The following MGA variants were observed in gnomAD, a reference collection of about 807,000 sequenced individuals.
The protein encoded by MGA is MAX dimerization protein MGA.
MGA carries 40 observed loss-of-function variants against 261.1 expected under a neutral mutation model. The observed-to-expected ratio is 0.15, with a 90% CI of 0.12 to 0.20. The LOEUF is 0.20. Ranked by LOEUF, MGA falls within the 10% of genes least tolerant of loss-of-function variation. The probability of loss-of-function intolerance (pLI) is 1.00; values close to 1 mark genes in which losing one functional copy is unlikely to be tolerated. For synonymous variants in MGA, 1,302 were observed against 1,290.6 expected (o/e 1.01, Z -0.19); for missense variants, 3,397 against 3,630.5 (o/e 0.94, Z 1.65).
intron 1 of MGA, among the ~76,000 whole-genome samples, chr15:41,630,852 G>C (rs1345668248): frequency 6.6e-6 from 1 of 152,148 alleles, no homozygotes; most frequent in Non-Finnish European, 1.5e-5. Context: ...ACTCACCCCA[G>C]GAATGTCCTT....
rs199585187 is a variant in MGA at position 41,668,993 on chromosome 15, T to C, written c.99T>C (p.Asn33=). 2.8e-4 allele frequency: 453 copies of C among 1,613,604 alleles called. 4 individuals are homozygous for C. The Middle Eastern group carries it at 4.1e-3, about 15-fold the overall frequency. ...TTGTCATCTTAAAGCAGCCAGGAAA[T>C]GGCAAAACTGATCAAGGAATTTTGG... Residue 33 remains asparagine (N), a synonymous_variant, in exon 2 of 24, where the codon AAT becomes AAC. Coordinates refer to ENST00000219905, the MANE Select transcript of MGA (RefSeq NM_001164273.2).
chr15:41,761,691 A>G, intron 20 of MGA, 48 bp from the exon 21 acceptor site: 1 of 1,250,056 alleles, frequency 8.0e-7, no homozygotes, highest in South Asian at 1.4e-5. Flanking sequence ...AGCTGTGTTT[A>G]AAGAAAGAGT....
Position 41,766,815 on chromosome 15 carries a change from G to A in MGA, c.8733G>A (p.Glu2911=), listed in dbSNP as rs745834073. ...ACTTGGAAGACGATGACTTTTCTGAGAATGAAAAACAACTTGCAGAACCAG... is the reference window on the plus strand; with the variant it reads ...ACTTGGAAGACGATGACTTTTCTGAAAATGAAAAACAACTTGCAGAACCAG... The change falls in exon 24 of 24, where the codon GAG becomes GAA. Residue 2911 remains glutamate (E), a synonymous_variant. Coordinates refer to ENST00000219905, the MANE Select transcript of MGA (RefSeq NM_001164273.2). 4.7e-5 allele frequency: 76 copies of A among 1,613,878 alleles called. No homozygotes were observed. Among genetic ancestry groups the A allele is most frequent in the Non-Finnish European group, 6.4e-5 (76 of 1,179,894 alleles).
chr15:41,668,773 C>A, intron 1 of MGA, 55 bp from the exon 2 acceptor site: 2 of 604,108 alleles, frequency 3.3e-6, no homozygotes, highest in South Asian at 3.8e-5. Context: ...GAAATAAATA[C>A]TCACTTGATT....
At chr15:41,703,048 C>T (rs986151496) in intron 5 of MGA, among the ~76,000 whole-genome samples, 1 of 152,102 alleles carries the variant, frequency 6.6e-6, no homozygotes, top group African/African-American at 2.4e-5. Flanking sequence ...TGATATATTA[C>T]TATTTAAAGT....
intron 14 of MGA, 134 bp from the exon 15 acceptor site, chr15:41,742,412 G>T: frequency 9.3e-7 from 1 of 1,080,042 alleles, no homozygotes; most frequent in South Asian, 1.7e-5. Context: ...AAAGAAATTG[G>T]CACAAATAAT....
intron 9 of MGA, among the ~76,000 whole-genome samples, 164 bp downstream of exon 9, chr15:41,713,660 A>T (rs1053949918): frequency 6.6e-6 from 1 of 152,194 alleles, no homozygotes; most frequent in African/African-American, 2.4e-5. Context: ...TCTGAGATGC[A>T]CACAAACACA....
At chr15:41,639,463 C>A (rs570974930) in intron 1 of MGA, among the ~76,000 whole-genome samples, 1 of 151,550 alleles carries the variant, frequency 6.6e-6, no homozygotes, top group African/African-American at 2.4e-5. Flanking sequence ...ACCTTTAGGT[C>A]TGTTGGATCC....
rs553810082 is a variant in MGA, at chr15:41,687,628, G to T, written c.1065-8447G>T. On this transcript the variant is annotated intron_variant, in intron 2 of 23. Transcript: ENST00000219905. ...ACTTTAGGTACATTCTACACATTTG[G>T]TATGTTGATAAGTTTGTTACTGATT... 1.4e-3 allele frequency among the ~76,000 whole-genome samples: 217 copies of T among 152,180 alleles called. 2 individuals carry two copies. Among genetic ancestry groups the T allele is most frequent in the African/African-American group, 4.9e-3 (203 of 41,518 alleles).
Position 41,660,876 on chromosome 15 carries a change from A to G in MGA, c.-68+351A>G, listed in dbSNP as rs563347761. The stretch of plus-strand genomic sequence containing the variant: ...TGTGTGGGGTGCCGCTCCGCGTGGT[A>G]CGGTCCGCGTGACGACTTCTCGCCC... On this transcript the variant is annotated intron_variant, in intron 1 of 23. Coordinates refer to ENST00000219905, the MANE Select transcript of MGA (RefSeq NM_001164273.2). 5.9e-5 allele frequency among the ~76,000 whole-genome samples: 9 copies of G among 152,286 alleles called. No homozygotes were observed. The South Asian group carries it at 1.7e-3, about 28-fold the overall frequency.
intron 1 of MGA, among the ~76,000 whole-genome samples, chr15:41,644,140 T>A (rs931970546): frequency 3.9e-5 from 6 of 152,026 alleles, no homozygotes; most frequent in African/African-American, 1.4e-4. Context: ...AAGTACATCT[T>A]CATATTTTAC....
At chr15:41,652,424 G>C (rs994800782) in intron 1 of MGA, among the ~76,000 whole-genome samples, 2 of 150,596 alleles carry the variant, frequency 1.3e-5, no homozygotes, top group Non-Finnish European at 3.0e-5. Flanking sequence ...AGAGTGTAGT[G>C]GTGCAGTCAT....
chr15:41,685,580 T>C, intron 2 of MGA, among the ~76,000 whole-genome samples: 1 of 152,222 alleles, frequency 6.6e-6, no homozygotes, highest in Admixed American at 6.5e-5. Context: ...AAGGTATATA[T>C]CTCTGTTTAT....
intron 22 of MGA, 73 bp from the exon 23 acceptor site, chr15:41,764,813 G>A (rs1013779042): frequency 1.3e-6 from 2 of 1,483,112 alleles, no homozygotes; most frequent in Non-Finnish European, 1.9e-6. Flanking sequence ...CAAAGTGCTG[G>A]GATTACAGGC....
Position 41,707,858 on chromosome 15 carries a change from T to C in MGA, c.2319T>C (p.Pro773=). The change falls in exon 6 of 24, where the codon CCT becomes CCC. Residue 773 remains proline, a splice_region_variant and synonymous_variant. Coordinates refer to ENST00000219905, the MANE Select transcript of MGA (RefSeq NM_001164273.2). Reference sequence around the variant, plus strand: ...TTACAGGAACCAACCCTGCCTCTCCTGGTGAGTATGTAACATTTGTAAAGT... The same window carrying C: ...TTACAGGAACCAACCCTGCCTCTCCCGGTGAGTATGTAACATTTGTAAAGT... 6.2e-7 allele frequency: 1 copy of C among 1,607,786 alleles called. No homozygotes were observed. Among genetic ancestry groups the C allele is most frequent in the East Asian group, 2.2e-5 (1 of 44,860 alleles).
At chr15:41,625,912 A>T (rs2056439598) in intron 1 of MGA, among the ~76,000 whole-genome samples, 1 of 152,134 alleles carries the variant, frequency 6.6e-6, no homozygotes, top group Non-Finnish European at 1.5e-5. Context: ...CTTCTCCCTT[A>T]TCCATGGTTT....
intron 15 of MGA, among the ~76,000 whole-genome samples, chr15:41,745,324 G>T (rs1402765882): frequency 7.0e-6 from 1 of 142,232 alleles, no homozygotes. Flanking sequence ...GCATTAATTG[G>T]AAACCAGCAT....
intron 1 of MGA, 39 bp from the exon 2 acceptor site, chr15:41,668,789 G>A (rs915863025): frequency 2.8e-6 from 2 of 713,396 alleles, no homozygotes; most frequent in Non-Finnish European, 4.6e-6. Context: ...TGATTAAAGG[G>A]TGTTTTTTGT....
In MGA at chr15:41,760,351, C is replaced by T. The variant is rs766663364; in HGVS notation, c.7220C>T (p.Pro2407Leu). 6.2e-7 allele frequency: 1 copy of T among 1,613,862 alleles called. No homozygotes were observed. The highest frequency in any genetic ancestry group is 1.3e-5 in the African/African-American group (1 of 74,906). ...CCACCAATTCCTCTAAAACTGAAGC[C>T]TGATTACTGGAGTGACAAACTACAG... Residue 2407 changes from proline to leucine, a missense_variant, in exon 20 of 24, where the codon CCT (proline) becomes CTT (leucine). Transcript: ENST00000219905.
Sources: gnomAD v4.1 joint callset for allele counts (sites outside exome capture counted in the v4.1 genomes callset) on GRCh38, gnomAD v4.1.1 for gene constraint, MANE v1.5 for transcripts, NCBI Gene and HGNC (gene_info 2026-07-23, HGNC 2026-07-21) for gene names.